The following ZNF654 variants were observed in gnomAD, a reference collection of about 807,000 sequenced individuals.
ZNF654 encodes the protein melanoma-associated antigen.
In ZNF654, 19 loss-of-function variants were observed where a neutral mutation model predicts 95.3. That is an observed-to-expected ratio of 0.20 (90% CI 0.14 to 0.29). The LOEUF (loss-of-function observed/expected upper bound fraction) is 0.29. Ranked by LOEUF, ZNF654 falls within the 10% of genes least tolerant of loss-of-function variation. ZNF654 has a pLI of 1.00. For missense variants in ZNF654, 1,046 were observed against 1,341.0 expected (o/e 0.78, Z 3.44); for synonymous variants, 413 against 457.9 (o/e 0.90, Z 1.25).
intron 2 of ZNF654, among the ~76,000 whole-genome samples, chr3:88,088,325 T>G (rs1237231282): frequency 6.6e-6 from 1 of 152,106 alleles, no homozygotes; most frequent in African/African-American, 2.4e-5. Context: ...GCCTTCAATA[T>G]GAAAAAATGC....
chr3:88,094,209 AT>A (rs1703920975), intron 2 of ZNF654, among the ~76,000 whole-genome samples: 1 of 150,824 alleles, frequency 6.6e-6, no homozygotes, highest in Non-Finnish European at 1.5e-5. Flanking sequence ...TGTTTATAGG[AT>A]TTGTTGTAGC....
At chr3:88,096,462 G>A (rs1704066438) in intron 2 of ZNF654, among the ~76,000 whole-genome samples, 1 of 152,052 alleles carries the variant, frequency 6.6e-6, no homozygotes, top group Admixed American at 6.6e-5. Flanking sequence ...CCTTCCTCCT[G>A]ACTTCTGACT....
chr3:88,097,377 A>C (rs1192488803), intron 2 of ZNF654, among the ~76,000 whole-genome samples: 2 of 151,710 alleles, frequency 1.3e-5, no homozygotes, highest in Non-Finnish European at 2.9e-5. Flanking sequence ...TTTTTTTTTA[A>C]ATAATGGGAG....
chr3:88,106,887 G>C (rs1704774792), intron 2 of ZNF654, among the ~76,000 whole-genome samples: 1 of 152,044 alleles, frequency 6.6e-6, no homozygotes, highest in African/African-American at 2.4e-5. Context: ...TCCCTGATTT[G>C]AGATGCTGTT....
At chr3:88,136,155 T>G (rs1706771535) in intron 7 of ZNF654, among the ~76,000 whole-genome samples, 1 of 152,148 alleles carries the variant, frequency 6.6e-6, no homozygotes, top group Admixed American at 6.5e-5. Context: ...TGCATCAGAA[T>G]CACCTGTAAA....
intron 2 of ZNF654, among the ~76,000 whole-genome samples, chr3:88,089,715 C>G (rs1708534619): frequency 6.6e-6 from 1 of 152,080 alleles, no homozygotes; most frequent in Non-Finnish European, 1.5e-5. Context: ...GGAAGAAACC[C>G]CTTCTGCCTA....
Position 88,142,127 on chromosome 3 carries a change from G to A in ZNF654, c.*475G>A, listed in dbSNP as rs1438892331. On this transcript the variant is annotated 3_prime_UTR_variant, in exon 9 of 9. Transcript: ENST00000636215. ...ATCAGATTATGTCCCCTCCCTTCTG[G>A]TTAAACATGGTTTAAGGAACCGCTG... The A allele has an allele frequency of 6.6e-6, 1 of 152,520 alleles. No individual in the cohort carries two copies. The highest frequency in any genetic ancestry group is 2.4e-5 in the African/African-American group (1 of 41,384). 9.4% of individuals were successfully genotyped at this position (152,520 alleles called of 1,614,324 possible). A position where few individuals can be genotyped will look rare whatever the true frequency, so the allele number is the denominator to read the frequency against.
Position 88,141,021 on chromosome 3 carries a change from C to T in ZNF654, c.3352C>T (p.Leu1118Phe). 1 of 1,606,424 alleles carries T rather than the reference C, an allele frequency of 6.2e-7. No homozygotes were observed. The highest frequency in any genetic ancestry group is 8.5e-7 in the Non-Finnish European group (1 of 1,176,592). ...AHLAQKKCQT[L>F]FGFDSDDESA ...TCTTGCACAAAAGAAATGTCAGACACTCTTTGGATTTGATTCAGATGATGA... is the reference window on the plus strand; with the variant it reads ...TCTTGCACAAAAGAAATGTCAGACATTCTTTGGATTTGATTCAGATGATGA... The change falls in exon 8 of 9, where the codon CTC (leucine) becomes TTC (phenylalanine). Residue 1118 changes from leucine to phenylalanine, a missense_variant. Leu to Phe is a conservative substitution (Grantham distance 22). This residue lies in a region of ZNF654 where 59 missense variants were observed against 73.0 expected (regional missense o/e 0.81). Coordinates refer to ENST00000636215, the MANE Select transcript of ZNF654 (RefSeq NM_001350134.2).
chr3:88,132,424 G>A (rs1341936763), intron 6 of ZNF654, among the ~76,000 whole-genome samples: 1 of 152,174 alleles, frequency 6.6e-6, no homozygotes, highest in Non-Finnish European at 1.5e-5. Context: ...AGGAAAACGT[G>A]TATAAGCTTC....
Position 88,129,688 on chromosome 3 carries a change from A to G in ZNF654, c.755A>G (p.His252Arg). The change falls in exon 6 of 9, where the codon CAT becomes CGT. Residue 252 changes from histidine to arginine, a missense_variant and splice_region_variant. By Grantham distance (29) the His-to-Arg change is conservative. Around this residue, in one of 9 missense-constraint regions of ZNF654, gnomAD observed 121 missense variants for 141.7 expected, o/e 0.85. Coordinates refer to ENST00000636215, the MANE Select transcript of ZNF654 (RefSeq NM_001350134.2). Reference sequence around the variant, plus strand: ...CTGATTTCTCTTTTCCTCTTACAGCATTTATTGAAAACTGATTGTAAGAGT... The same window carrying G: ...CTGATTTCTCTTTTCCTCTTACAGCGTTTATTGAAAACTGATTGTAAGAGT... ...SPVEDQLFRE[H>R]LLKTDCKSGI... The G allele has an allele frequency of 2.7e-6, 4 of 1,473,472 alleles. No homozygotes were observed. The highest frequency in any genetic ancestry group is 1.3e-5 in the South Asian group (1 of 75,898). 91.3% of individuals were successfully genotyped at this position (1,473,472 alleles called of 1,614,324 possible). A position where few individuals can be genotyped will look rare whatever the true frequency, so the allele number is the denominator to read the frequency against.
intron 2 of ZNF654, among the ~76,000 whole-genome samples, chr3:88,100,276 C>T (rs1306725151): frequency 1.3e-5 from 2 of 152,086 alleles, no homozygotes; most frequent in African/African-American, 4.8e-5. Context: ...CAATGAGATA[C>T]CATCTCACAC....
chr3:88,121,328 T>G (rs1705757318), intron 3 of ZNF654, among the ~76,000 whole-genome samples: 1 of 152,152 alleles, frequency 6.6e-6, no homozygotes, highest in African/African-American at 2.4e-5. Context: ...AGAAAATTCT[T>G]AAGTTTTTTA....
At position 88,140,372 on chromosome 3, in the gene ZNF654, T is replaced by A; in HGVS notation, c.2703T>A (p.Ser901=). The change falls in exon 8 of 9, where the codon TCT becomes TCA. Residue 901 remains serine (S), a synonymous_variant. Transcript: ENST00000636215. ...ATCCTAATCAGGAAAAAGACTCATC[T>A]AGTAATGAGAAACAAACTATTAGTC... ...DSNPNQEKDS[S]SNEKQTISLP... 6.2e-7 allele frequency: 1 copy of A among 1,613,174 alleles called. No homozygotes were observed. Among genetic ancestry groups the A allele is most frequent in the Non-Finnish European group, 8.5e-7 (1 of 1,179,468 alleles).
At chr3:88,119,855 C>T (rs1705664583) in intron 3 of ZNF654, among the ~76,000 whole-genome samples, 1 of 152,158 alleles carries the variant, frequency 6.6e-6, no homozygotes, top group Non-Finnish European at 1.5e-5. Flanking sequence ...CAACTACCAA[C>T]TAATTTTGAA....
rs1389376196 is a variant in ZNF654, at chr3:88,123,539, C to T, written c.415-2595C>T. On this transcript the variant is annotated intron_variant, in intron 3 of 8. Coordinates refer to ENST00000636215, the MANE Select transcript of ZNF654 (RefSeq NM_001350134.2). ...GGGAGTTGTTAAATATTCAAATTAT[C>T]AGGGCTTTCCCCTAGAAATTCTGAT... is the stretch of plus-strand genomic sequence containing the variant. Among the ~76,000 whole-genome samples the T allele has an allele frequency of 2.6e-5, 4 of 152,234 alleles. No individual in the cohort carries two copies. In the East Asian group the frequency reaches 5.8e-4, roughly 22 times the overall value.
chr3:88,115,841 T>G (rs552834762), intron 3 of ZNF654, among the ~76,000 whole-genome samples: 2 of 152,140 alleles, frequency 1.3e-5, no homozygotes, highest in African/African-American at 4.8e-5. Context: ...AGATTCCCAA[T>G]GAAGTGACAA....
intron 1 of ZNF654, among the ~76,000 whole-genome samples, chr3:88,060,527 G>C (rs1161710364): frequency 6.6e-6 from 1 of 152,048 alleles, no homozygotes; most frequent in Non-Finnish European, 1.5e-5. Flanking sequence ...TTTAAAATGC[G>C]TCCATTAATT....
chr3:88,109,142 A>T (rs1303397306), intron 2 of ZNF654, among the ~76,000 whole-genome samples: 3 of 142,434 alleles, frequency 2.1e-5, no homozygotes, highest in East Asian at 2.1e-4. Flanking sequence ...AGTGGGCACT[A>T]GTGTGTGTGT....
At chr3:88,086,611 A>G (rs1291814873) in intron 2 of ZNF654, among the ~76,000 whole-genome samples, 1 of 152,232 alleles carries the variant, frequency 6.6e-6, no homozygotes, top group Non-Finnish European at 1.5e-5. Flanking sequence ...GAATTTTGAT[A>G]TACAGATTCT....
Sources: allele counts gnomAD v4.1 joint callset (sites outside exome capture counted in the v4.1 genomes callset), GRCh38; gene constraint gnomAD v4.1.1; regional missense constraint gnomAD v4.1.1; transcripts MANE v1.5; gene names NCBI Gene and HGNC (gene_info 2026-07-23, HGNC 2026-07-21).